POLQ: variants seen among roughly 807,000 people sequenced by gnomAD.
POLQ encodes DNA polymerase theta, also known as epididymis secretory sperm binding protein.
Under a neutral mutation model 259.2 loss-of-function variants are expected in POLQ, and 233 were observed. The observed-to-expected ratio is 0.90, with a 90% confidence interval of 0.81 to 1.00. The LOEUF (loss-of-function observed/expected upper bound fraction) is 1.00, where lower values mean the gene tolerates loss of function less well. Among genes scored for constraint, POLQ ranks in the 50% least tolerant of loss-of-function variants. The pLI is 0.00. For missense variants in POLQ, 2,871 were observed against 3,051.6 expected (o/e 0.94, Z 1.39); for synonymous variants, 1,025 against 1,048.8 (o/e 0.98, Z 0.44).
At chr3:121,476,815 C>T (rs2047931290) in intron 19 of POLQ, 82 bp from the exon 20 acceptor site, 2 of 932,954 alleles carry the variant, frequency 2.1e-6, no homozygotes, top group African/African-American at 3.3e-5. Flanking sequence ...ATACAGAATT[C>T]ATCTAGGAAA....
intron 22 of POLQ, 80 bp downstream of exon 22, chr3:121,471,910 G>A: frequency 1.4e-6 from 1 of 722,846 alleles, no homozygotes; most frequent in Non-Finnish European, 2.1e-6. Flanking sequence ...TTGAATTCTT[G>A]GCCATCATAA....
At chr3:121,507,670 T>G (rs2048219858) in intron 12 of POLQ, among the ~76,000 whole-genome samples, 1 of 152,104 alleles carries the variant, frequency 6.6e-6, no homozygotes, top group South Asian at 2.1e-4. Context: ...GAGGTTGCAA[T>G]GAGCCAAGAC....
chr3:121,535,809 T>C lies in POLQ; in HGVS notation c.740+1291A>G, dbSNP rs768667763. Among the ~76,000 whole-genome samples, 11 of 151,650 alleles carry C rather than the reference T, an allele frequency of 7.3e-5. No homozygotes were observed. In the South Asian group the frequency reaches 1.5e-3, roughly 20 times the overall value. ...CCTATGTGTGTTCACTGAAATAAAGTAGAAGTTCCTGGAAGATATTCCCAC... is the reference window on the plus strand; with the variant it reads ...CCTATGTGTGTTCACTGAAATAAAGCAGAAGTTCCTGGAAGATATTCCCAC... On this transcript the variant is annotated intron_variant, in intron 5 of 29. Coordinates refer to ENST00000264233, the MANE Select transcript of POLQ (RefSeq NM_199420.4).
intron 2 of POLQ, among the ~76,000 whole-genome samples, chr3:121,541,843 G>A (rs545590805): frequency 1.3e-5 from 2 of 152,248 alleles, no homozygotes; most frequent in East Asian, 3.9e-4. Context: ...TGAAGAAAAG[G>A]GCTGGGCATG....
chr3:121,537,814 C>T (rs2048461122), intron 4 of POLQ, among the ~76,000 whole-genome samples: 1 of 152,150 alleles, frequency 6.6e-6, no homozygotes, highest in African/African-American at 2.4e-5. Flanking sequence ...AAAGTATTTA[C>T]TTATTTTCTA....
At chr3:121,485,012 A>T in intron 17 of POLQ, 29 bp downstream of exon 17, 1 of 1,541,320 alleles carries the variant, frequency 6.5e-7, no homozygotes, top group Non-Finnish European at 8.8e-7. Context: ...GTAATTACAT[A>T]GTGACTTAGC....
At chr3:121,450,267 C>A (rs774905797) in intron 25 of POLQ, among the ~76,000 whole-genome samples, 4 of 152,096 alleles carry the variant, frequency 2.6e-5, no homozygotes, top group African/African-American at 7.2e-5. Flanking sequence ...AGATAACTTG[C>A]ATGATTATCA....
At position 121,545,787 on chromosome 3, in the gene POLQ, G is replaced by GGCTGGCACT. The variant is rs1275562285; in HGVS notation, c.82_90dup (p.Ser28_Ser30dup). The GGCTGGCACT allele has an allele frequency of 1.2e-6, 2 of 1,610,828 alleles. No individual in the cohort carries two copies. Among genetic ancestry groups the GGCTGGCACT allele is most frequent in the African/African-American group, 1.3e-5 (1 of 74,888 alleles). On this transcript the variant is annotated inframe_insertion, in exon 1 of 30. Coordinates refer to ENST00000264233, the MANE Select transcript of POLQ (RefSeq NM_199420.4). ...AGCACGGACCCGGAGAGGAACTGGG[G>GGCTGGCACT]GCTGGCACTGCTGTCACCGCCGCTT...
chr3:121,473,449 C>G lies in POLQ; in HGVS notation c.6444G>C (p.Glu2148Asp), dbSNP rs1180536427. Residue 2148 changes from glutamate (E) to aspartate (D), a missense_variant, in exon 21 of 30, where the codon GAG (glutamate) becomes GAC (aspartate). Glu to Asp is a conservative substitution (Grantham distance 45). Transcript: ENST00000264233. ...FLELKLPPNR[E>D]MKNQGSKKTL... ...TTTTCTTGCTGCCTTGGTTTTTCAT[C>G]TCTCTATTTGGGGGCAACTTCAATT... 6.2e-7 allele frequency: 1 copy of G among 1,613,564 alleles called. No individual in the cohort carries two copies. Among genetic ancestry groups the G allele is most frequent in the Non-Finnish European group, 8.5e-7 (1 of 1,179,658 alleles).
At chr3:121,544,489 G>A (rs559545254) in intron 2 of POLQ, among the ~76,000 whole-genome samples, 1 of 152,268 alleles carries the variant, frequency 6.6e-6, no homozygotes, top group South Asian at 2.1e-4. Flanking sequence ...ATAATGGCAG[G>A]CAGAATTGCC....
In POLQ at chr3:121,538,281, C is replaced by T. The variant is rs1044187178; in HGVS notation, c.632-1073G>A. On this transcript the variant is annotated intron_variant, in intron 4 of 29. Coordinates refer to ENST00000264233, the MANE Select transcript of POLQ (RefSeq NM_199420.4). ...AAAACATAAATATGATCACAATGTC[C>T]TTCACTACTTGGAGAATTTAACCAA... Among the ~76,000 whole-genome samples, 7 of 152,016 alleles carry T rather than the reference C, an allele frequency of 4.6e-5. 1 individual carries two copies. In the South Asian group the frequency reaches 1.0e-3, roughly 22 times the overall value.
At chr3:121,439,629 TATG>T (rs755948665) in intron 27 of POLQ, among the ~76,000 whole-genome samples, 8 of 152,226 alleles carry the variant, frequency 5.3e-5, no homozygotes, top group Non-Finnish European at 8.8e-5. Flanking sequence ...AGCAATTTGG[TATG>T]ATATGATAAA....
rs1451587342 is a variant in POLQ, at chr3:121,520,065, C to T, written c.1274G>A (p.Arg425Lys). 3 of 1,611,152 alleles carry T rather than the reference C, an allele frequency of 1.9e-6. No individual in the cohort carries two copies. The highest frequency in any genetic ancestry group is 2.5e-6 in the Non-Finnish European group (3 of 1,177,504). Residue 425 changes from arginine to lysine, a missense_variant, in exon 9 of 30, where the codon AGG (arginine) becomes AAG (lysine). Coordinates refer to ENST00000264233, the MANE Select transcript of POLQ (RefSeq NM_199420.4). Reference protein sequence around the residue: ...FHHAGLTFEERDIIEGAFRQG... With the variant: ...FHHAGLTFEEKDIIEGAFRQG... ...ACGAAAGGCTCCTTCAATGATATCC[C>T]TCTCCTCAAAAGTAAGACCTAAAAA...
At chr3:121,450,495 A>C (rs2047665978) in intron 25 of POLQ, among the ~76,000 whole-genome samples, 1 of 149,674 alleles carries the variant, frequency 6.7e-6, no homozygotes, top group African/African-American at 2.4e-5. Flanking sequence ...TATTAGGTGT[A>C]TCTCCTAATG....
intron 20 of POLQ, among the ~76,000 whole-genome samples, chr3:121,474,792 A>C (rs1020221658): frequency 6.6e-6 from 1 of 152,250 alleles, no homozygotes; most frequent in Non-Finnish European, 1.5e-5. Flanking sequence ...GGGTTGCCAC[A>C]TATACCAAAT....
chr3:121,494,832 TG>T, intron 14 of POLQ: 2 of 1,575,814 alleles, frequency 1.3e-6, no homozygotes, highest in East Asian at 4.5e-5. Context: ...GGCAACGTCC[TG>T]GGTCCTAAGT....
intron 12 of POLQ, among the ~76,000 whole-genome samples, chr3:121,501,722 G>A (rs1376943150): frequency 1.4e-5 from 2 of 142,450 alleles, no homozygotes; most frequent in Non-Finnish European, 3.0e-5. Context: ...GCTCATGCCT[G>A]TAATCCCAGA....
intron 24 of POLQ, among the ~76,000 whole-genome samples, chr3:121,461,517 G>A (rs910240870): frequency 2.0e-5 from 3 of 152,014 alleles, no homozygotes; most frequent in Non-Finnish European, 4.4e-5. Context: ...TGGGAGTGGT[G>A]GAGCATGCCT....
At chr3:121,528,784 C>G (rs1359308075) in intron 7 of POLQ, among the ~76,000 whole-genome samples, 1 of 152,028 alleles carries the variant, frequency 6.6e-6, no homozygotes, top group Non-Finnish European at 1.5e-5. Context: ...GAAACCTCAT[C>G]TCTACACAAA....
Sources: gnomAD v4.1 joint callset for allele counts (sites outside exome capture counted in the v4.1 genomes callset) on GRCh38, gnomAD v4.1.1 for gene constraint, MANE v1.5 for transcripts, NCBI Gene and HGNC (gene_info 2026-07-23, HGNC 2026-07-21) for gene names.